Variants in ITK observed in about 807,000 individuals in gnomAD.
ITK encodes the protein IL2 inducible T cell kinase.
A neutral mutation model predicts 87.6 loss-of-function variants in ITK; 45 were observed. The ratio of observed to expected loss-of-function variants is 0.51; its 90% CI spans 0.40 to 0.66. The LOEUF (loss-of-function observed/expected upper bound fraction) is 0.66, where lower values mean the gene tolerates loss of function less well. ITK is among the 30% of genes least tolerant of loss of function. ITK has a pLI of 0.00. For missense variants in ITK, 605 were observed against 766.3 expected, an observed-to-expected ratio of 0.79 and a Z score of 2.48; for synonymous variants, 303 against 273.6, an observed-to-expected ratio of 1.11 and a Z score of -1.06.
intron 1 of ITK, among the ~76,000 whole-genome samples, chr5:157,181,533 C>G (rs977970318): frequency 9.2e-5 from 14 of 152,146 alleles, no homozygotes; most frequent in African/African-American, 3.4e-4. Flanking sequence ...TCTACCCCAG[C>G]TTTCTTATTT....
chr5:157,241,729 T>A lies in ITK; in HGVS notation c.1060+9T>A. ...AGCAGGGCTGAGATACGGTGAGCAG[T>A]ACAATCAGGAATGTAAACTCATGTC... On this transcript the variant is annotated intron_variant, in intron 11 of 16. Coordinates refer to ENST00000422843, the MANE Select transcript of ITK (RefSeq NM_005546.4). 6.2e-7 allele frequency: 1 copy of A among 1,608,086 alleles called. No individual in the cohort carries two copies. The highest frequency in any genetic ancestry group is 8.5e-7 in the Non-Finnish European group (1 of 1,174,774).
intron 3 of ITK, among the ~76,000 whole-genome samples, chr5:157,211,737 A>C (rs995509519): frequency 6.6e-6 from 1 of 152,212 alleles, no homozygotes; most frequent in Non-Finnish European, 1.5e-5. Flanking sequence ...TAGTATGAAG[A>C]AGCAGAGCAT....
intron 8 of ITK, among the ~76,000 whole-genome samples, chr5:157,234,154 T>C (rs1038922382): frequency 1.3e-4 from 19 of 151,282 alleles, no homozygotes; most frequent in Non-Finnish European, 2.5e-4. Context: ...CTCATTTTTG[T>C]ATTTTTACTA....
chr5:157,244,612 C>T (rs1183364955), intron 13 of ITK, 134 bp downstream of exon 13: 6 of 713,752 alleles, frequency 8.4e-6, no homozygotes, highest in Admixed American at 6.0e-5. Context: ...CCTTCCTTCA[C>T]CTACTTTGGG....
At chr5:157,181,686 T>C (rs1481159220) in intron 1 of ITK, among the ~76,000 whole-genome samples, 1 of 152,176 alleles carries the variant, frequency 6.6e-6, no homozygotes, top group African/African-American at 2.4e-5. Flanking sequence ...ATCTAAAAGT[T>C]GTAAGGCACA....
At chr5:157,181,500 A>G (rs894896827) in intron 1 of ITK, among the ~76,000 whole-genome samples, 13 of 152,156 alleles carry the variant, frequency 8.5e-5, no homozygotes, top group African/African-American at 2.9e-4. Context: ...AGATTAATAC[A>G]ACACTAGCAT....
chr5:157,241,534 TA>T, intron 10 of ITK, 111 bp from the exon 11 acceptor site: 1 of 771,142 alleles, frequency 1.3e-6, no homozygotes. Flanking sequence ...TTTTCCAGAA[TA>T]AAATTAGCTT....
intron 2 of ITK, among the ~76,000 whole-genome samples, chr5:157,209,915 A>G (rs1754154699): frequency 6.6e-6 from 1 of 150,456 alleles, no homozygotes; most frequent in Non-Finnish European, 1.5e-5. Flanking sequence ...GAATGTTCCT[A>G]TCACTGCAGA....
chr5:157,181,005 C>T lies in ITK; in HGVS notation c.28C>T (p.Gln10Ter). The T allele has an allele frequency of 6.2e-7, 1 of 1,613,940 alleles. No individual in the cohort carries two copies. Among genetic ancestry groups the T allele is most frequent in the Non-Finnish European group, 8.5e-7 (1 of 1,179,790 alleles). Residue 10 changes from glutamine (Q) to a stop codon, truncating the protein, a stop_gained, in exon 1 of 17, where the codon CAG becomes TAG. Coordinates refer to ENST00000422843, the MANE Select transcript of ITK (RefSeq NM_005546.4). LOFTEE classifies it high-confidence loss of function. ...GAACAACTTTATCCTCCTGGAAGAA[C>T]AGCTCATCAAGAAATCCCAACAAAA... MNNFILLEE[Q>*]LIKKSQQKRR...
In ITK at chr5:157,253,842, C is replaced by T. The variant is rs115945955; in HGVS notation, c.*1164C>T. On this transcript the variant is annotated 3_prime_UTR_variant, in exon 17 of 17. Coordinates refer to ENST00000422843, the MANE Select transcript of ITK (RefSeq NM_005546.4). ...CACTGACTGGGGTGCTTCCAAGAGGCATGAGAGTGCCTACTCTGGCTTGAG... is the reference window on the plus strand; with the variant it reads ...CACTGACTGGGGTGCTTCCAAGAGGTATGAGAGTGCCTACTCTGGCTTGAG... 6.6e-4 allele frequency: 146 copies of T among 222,498 alleles called. No homozygotes were observed. The highest frequency in any genetic ancestry group is 3.1e-3 in the African/African-American group (140 of 44,828). 13.8% of individuals were successfully genotyped at this position (222,498 alleles called of 1,614,324 possible). A position where few individuals can be genotyped will look rare whatever the true frequency, so the allele number is the denominator to read the frequency against.
At chr5:157,222,820 C>CT in intron 5 of ITK, 43 bp from the exon 6 acceptor site, 1 of 1,612,334 alleles carries the variant, frequency 6.2e-7, no homozygotes, top group Non-Finnish European at 8.5e-7. Context: ...ATTTTACCTC[C>CT]TTTTTTATGT....
chr5:157,242,349 C>A (rs1754926334), intron 11 of ITK, among the ~76,000 whole-genome samples: 2 of 152,158 alleles, frequency 1.3e-5, no homozygotes, highest in Admixed American at 1.3e-4. Flanking sequence ...ATTTTCATTT[C>A]TTATCTCCTA....
Position 157,218,401 on chromosome 5 carries a change from G to A in ITK, c.495+494G>A, listed in dbSNP as rs138646625. On this transcript the variant is annotated intron_variant, in intron 5 of 16. Coordinates refer to ENST00000422843, the MANE Select transcript of ITK (RefSeq NM_005546.4). ...GCACACCTGTAGTCACAGCTACTTA[G>A]CAAGCTGAGGTGGGAGGATCACTTA... 2.1e-3 allele frequency among the ~76,000 whole-genome samples: 321 copies of A among 151,544 alleles called. 1 individual carries two copies. Among genetic ancestry groups the A allele is most frequent in the African/African-American group, 7.3e-3 (301 of 41,268 alleles).
intron 5 of ITK, among the ~76,000 whole-genome samples, chr5:157,219,406 C>T (rs1754368900): frequency 6.6e-6 from 1 of 152,146 alleles, no homozygotes; most frequent in South Asian, 2.1e-4. Flanking sequence ...AGCCACTGTG[C>T]CTGACCAATA....
intron 3 of ITK, chr5:157,213,798 T>G (rs941890135): frequency 2.0e-5 from 7 of 355,170 alleles, no homozygotes; most frequent in Non-Finnish European, 3.8e-5. Context: ...TGGCTGTGGT[T>G]AAAGGTAGGA....
intron 1 of ITK, among the ~76,000 whole-genome samples, chr5:157,182,370 C>T (rs138175900): frequency 2.6e-4 from 40 of 152,138 alleles, no homozygotes; most frequent in African/African-American, 8.4e-4. Flanking sequence ...GGGTATAGAG[C>T]CTATGGATGC....
intron 16 of ITK, among the ~76,000 whole-genome samples, chr5:157,251,669 G>A (rs1755140999): frequency 6.6e-6 from 1 of 152,164 alleles, no homozygotes; most frequent in Non-Finnish European, 1.5e-5. Context: ...TCCACTTTGA[G>A]TTAATTTTCC....
chr5:157,195,618 G>A (rs1561648389), intron 1 of ITK: 1 of 152,140 alleles, frequency 6.6e-6, no homozygotes, highest in Non-Finnish European at 1.5e-5. Context: ...CAGCAACCAC[G>A]ATAGTTAATT....
intron 6 of ITK, among the ~76,000 whole-genome samples, chr5:157,223,300 A>C (rs1238181897): frequency 2.0e-5 from 3 of 152,120 alleles, no homozygotes; most frequent in Non-Finnish European, 1.5e-5. Context: ...TTCCACTGAC[A>C]TCTACAATTT....
Sources: gnomAD v4.1 joint callset for allele counts (sites outside exome capture counted in the v4.1 genomes callset) on GRCh38, gnomAD v4.1.1 for gene constraint, MANE v1.5 for transcripts, NCBI Gene and HGNC (gene_info 2026-07-23, HGNC 2026-07-21) for gene names.